Variants in ABCA13 observed in about 807,000 individuals in gnomAD.
ABCA13 encodes the protein ATP-binding cassette sub-family A member 13.
Under a neutral mutation model 478.7 loss-of-function variants are expected in ABCA13, and 476 were observed. The observed-to-expected ratio is 0.99, with a 90% confidence interval of 0.92 to 1.07. The LOEUF is 1.07. Among genes scored for constraint, ABCA13 ranks in the 50% least tolerant of loss-of-function variants. The pLI is 0.00. For missense variants in ABCA13, 6,060 were observed against 5,910.6 expected (o/e 1.03, Z -0.83); for synonymous variants, 2,252 against 2,158.9 (o/e 1.04, Z -1.20).
At chr7:48,439,487 G>A (rs79933931) in intron 42 of ABCA13, among the ~76,000 whole-genome samples, 1,597 of 152,168 alleles carry the variant, frequency 0.01, 28 homozygotes, top group African/African-American at 0.036. Context: ...GCTAATAACC[G>A]AAAGAGAAAA....
chr7:48,306,052 C>T (rs1800854364), intron 23 of ABCA13, among the ~76,000 whole-genome samples: 2 of 152,212 alleles, frequency 1.3e-5, no homozygotes, highest in African/African-American at 2.4e-5. Flanking sequence ...TCCTCCCCTC[C>T]TACCTACTCT....
intron 59 of ABCA13, among the ~76,000 whole-genome samples, chr7:48,633,425 T>C (rs1241020629): frequency 6.6e-6 from 1 of 152,054 alleles, no homozygotes; most frequent in Non-Finnish European, 1.5e-5. Context: ...AAATTGGACC[T>C]AATAGGCATC....
intron 5 of ABCA13, among the ~76,000 whole-genome samples, chr7:48,225,936 A>T (rs1788144756): frequency 6.6e-6 from 1 of 151,606 alleles, no homozygotes; most frequent in Admixed American, 6.6e-5. Context: ...GTGAGAAGAG[A>T]AGAGAGTTGA....
At chr7:48,212,481 G>T (rs1247132041) in intron 3 of ABCA13, among the ~76,000 whole-genome samples, 5 of 152,144 alleles carry the variant, frequency 3.3e-5, no homozygotes, top group Non-Finnish European at 7.4e-5. Flanking sequence ...TAAATGTTTA[G>T]TGTATGTTTA....
rs1788770066 is a variant in ABCA13 at position 48,229,730 on chromosome 7, G to T, written c.633-95G>T. 4 of 1,457,144 alleles carry T rather than the reference G, an allele frequency of 2.7e-6. No homozygotes were observed. In the South Asian group the frequency reaches 5.0e-5, roughly 18 times the overall value. The allele number at this position is 1,457,144 out of a possible 1,614,324, so 90.3% of individuals were successfully genotyped here. A position where few individuals can be genotyped will look rare whatever the true frequency, so the allele number is the denominator to read the frequency against. ...AGCCACATCTTGCAACAGCACTAGG[G>T]GCCCAGTCCATGGGATGTAAGTAAA... is the stretch of plus-strand genomic sequence containing the variant. On this transcript the variant is annotated intron_variant, in intron 6 of 61. Coordinates refer to ENST00000435803, the MANE Select transcript of ABCA13 (RefSeq NM_152701.5).
intron 59 of ABCA13, among the ~76,000 whole-genome samples, chr7:48,625,194 C>G (rs1293014305): frequency 6.6e-6 from 1 of 152,160 alleles, no homozygotes; most frequent in East Asian, 1.9e-4. Context: ...TTATGTGACA[C>G]CATATGCTTT....
intron 55 of ABCA13, among the ~76,000 whole-genome samples, chr7:48,577,582 T>A (rs1198636074): frequency 6.6e-6 from 1 of 152,088 alleles, no homozygotes; most frequent in Non-Finnish European, 1.5e-5. Context: ...AGAAATTGAA[T>A]CAATAACTAA....
Position 48,481,067 on chromosome 7 carries a change from A to G in ABCA13, c.13007A>G (p.Tyr4336Cys). Residue 4336 changes from tyrosine (Y) to cysteine (C), a missense_variant, in exon 46 of 62, where the codon TAC (tyrosine) becomes TGC (cysteine). Physicochemically the swap from Tyr to Cys is radical, Grantham distance 194 (BLOSUM62 -2). This residue lies in a region of ABCA13 where 1,627 missense variants were observed against 1,571.0 expected (regional missense o/e 1.04). Coordinates refer to ENST00000435803, the MANE Select transcript of ABCA13 (RefSeq NM_152701.5). Reference protein sequence around the residue: ...KCPNRSASAPYLTNHLGHTLL... With the variant: ...KCPNRSASAPCLTNHLGHTLL... ...CCAAATAGAAGTGCTAGTGCTCCCT[A>G]CCTGACCAACCACCTGGGCCACACA... 1.2e-6 allele frequency: 2 copies of G among 1,601,838 alleles called. No individual in the cohort carries two copies. Among genetic ancestry groups the G allele is most frequent in the South Asian group, 1.1e-5 (1 of 87,980 alleles).
chr7:48,317,083 T>C (rs1802701460), intron 26 of ABCA13, 74 bp from the exon 27 acceptor site: 2 of 1,510,950 alleles, frequency 1.3e-6, no homozygotes, highest in East Asian at 2.3e-5. Flanking sequence ...ATCCTGGATA[T>C]GTGAATGAAT....
At chr7:48,584,050 A>G (rs1047049522) in intron 56 of ABCA13, among the ~76,000 whole-genome samples, 1 of 152,208 alleles carries the variant, frequency 6.6e-6, no homozygotes, top group Non-Finnish European at 1.5e-5. Context: ...TGGCAAGTTT[A>G]TTCAAAATGT....
intron 59 of ABCA13, among the ~76,000 whole-genome samples, chr7:48,622,269 C>T (rs1314440114): frequency 6.6e-6 from 1 of 152,044 alleles, no homozygotes; most frequent in Non-Finnish European, 1.5e-5. Context: ...TTTGTTCTTT[C>T]TGCCGAACCT....
intron 20 of ABCA13, among the ~76,000 whole-genome samples, chr7:48,294,928 C>G (rs1410262852): frequency 6.6e-6 from 1 of 152,176 alleles, no homozygotes; most frequent in Non-Finnish European, 1.5e-5. Context: ...TATAATGTCA[C>G]ATTTTCTCTA....
At position 48,552,477 on chromosome 7, in the gene ABCA13, A is replaced by G. The variant is rs1288836408; in HGVS notation, c.14354+24132A>G. 1.3e-5 allele frequency among the ~76,000 whole-genome samples: 2 copies of G among 151,632 alleles called. 1 individual carries two copies. The highest frequency in any genetic ancestry group is 3.0e-5 in the Non-Finnish European group (2 of 67,792). On this transcript the variant is annotated intron_variant, in intron 55 of 61. Transcript: ENST00000435803. ...GGTGGTGGTTGGATACAGAATTTGG[A>G]CCTACAACATAGGTTGAATAGAAAT...
At chr7:48,299,054 G>A (rs535357951) in intron 23 of ABCA13, among the ~76,000 whole-genome samples, 9 of 152,232 alleles carry the variant, frequency 5.9e-5, no homozygotes, top group Non-Finnish European at 1.2e-4. Flanking sequence ...TAACACATAC[G>A]GGCCACATGG....
intron 59 of ABCA13, among the ~76,000 whole-genome samples, chr7:48,618,115 C>A (rs753914914): frequency 6.6e-6 from 1 of 152,092 alleles, no homozygotes; most frequent in African/African-American, 2.4e-5. Context: ...CCTTCCTGAG[C>A]CTGGGGAGTA....
chr7:48,607,488 G>A (rs1370308719), intron 58 of ABCA13, among the ~76,000 whole-genome samples: 2 of 152,042 alleles, frequency 1.3e-5, no homozygotes, highest in Non-Finnish European at 2.9e-5. Context: ...GTTCCTATTC[G>A]GCCATCTTGC....
chr7:48,511,327 C>T (rs1831663965), intron 51 of ABCA13, 128 bp downstream of exon 51: 2 of 763,358 alleles, frequency 2.6e-6, no homozygotes, highest in South Asian at 1.9e-5. Context: ...GTTGCTTCTG[C>T]AAGGGACACG....
In ABCA13 at chr7:48,198,192, G is replaced by A. The variant is rs947991506; in HGVS notation, c.164-45G>A. On this transcript the variant is annotated intron_variant, in intron 2 of 61. Transcript: ENST00000435803. Reference sequence around the variant, plus strand: ...TCAACTCAACAGGAATTCCATTTCTGGTAGCAGGTATACGGACTCATTTCT... The same window carrying A: ...TCAACTCAACAGGAATTCCATTTCTAGTAGCAGGTATACGGACTCATTTCT... The A allele has an allele frequency of 6.5e-6, 10 of 1,549,348 alleles. No homozygotes were observed. The Admixed American group carries it at 1.7e-4, about 26-fold the overall frequency.
chr7:48,187,372 T>C (rs903273315), intron 1 of ABCA13, among the ~76,000 whole-genome samples: 2 of 151,720 alleles, frequency 1.3e-5, no homozygotes, highest in Admixed American at 6.6e-5. Flanking sequence ...CAGCTTATTT[T>C]ATTTTTCTGA....
Sources: gnomAD v4.1 joint callset for allele counts (sites outside exome capture counted in the v4.1 genomes callset) on GRCh38, gnomAD v4.1.1 for gene constraint, gnomAD v4.1.1 regional missense constraint, MANE v1.5 for transcripts, NCBI Gene and HGNC (gene_info 2026-07-23, HGNC 2026-07-21) for gene names.